The following MOB3B variants were observed in gnomAD, a reference collection of about 807,000 sequenced individuals.
The protein encoded by MOB3B is MOB kinase activator 3B.
MOB3B carries 7 observed loss-of-function variants against 18.7 expected under a neutral mutation model. The ratio of observed to expected loss-of-function variants is 0.37; its 90% CI spans 0.21 to 0.70. MOB3B has a LOEUF of 0.70. Among genes scored for constraint, MOB3B ranks in the 30% least tolerant of loss-of-function variants. The pLI, the probability that MOB3B is intolerant of heterozygous loss-of-function variation, is 0.52. For synonymous variants in MOB3B, 111 were observed against 99.9 expected, an observed-to-expected ratio of 1.11 and a Z score of -0.66; for missense variants, 253 against 281.3, an observed-to-expected ratio of 0.90 and a Z score of 0.72.
chr9:27,518,762 G>A (rs1342907846), intron 1 of MOB3B, among the ~76,000 whole-genome samples: 1 of 152,136 alleles, frequency 6.6e-6, no homozygotes, highest in Non-Finnish European at 1.5e-5. Flanking sequence ...CAGCAAAAGG[G>A]GGTGGTGGAG....
chr9:27,411,365 C>G (rs1357803421), intron 2 of MOB3B, among the ~76,000 whole-genome samples: 1 of 152,186 alleles, frequency 6.6e-6, no homozygotes, highest in African/African-American at 2.4e-5. Context: ...TCAATGCCAT[C>G]TAATTGTTTC....
At chr9:27,490,468 T>C (rs1250609177) in intron 1 of MOB3B, among the ~76,000 whole-genome samples, 1 of 152,246 alleles carries the variant, frequency 6.6e-6, no homozygotes, top group African/African-American at 2.4e-5. Context: ...CAAGAAGAGT[T>C]TCCCACAGGA....
At chr9:27,456,256 T>G (rs1241905000) in intron 1 of MOB3B, among the ~76,000 whole-genome samples, 1 of 152,210 alleles carries the variant, frequency 6.6e-6, no homozygotes, top group Non-Finnish European at 1.5e-5. Flanking sequence ...GCATTAGTGA[T>G]GTGGCATTGG....
intron 2 of MOB3B, among the ~76,000 whole-genome samples, chr9:27,360,960 T>C (rs922866619): frequency 5.3e-5 from 8 of 152,094 alleles, no homozygotes; most frequent in African/African-American, 1.4e-4. Context: ...GTTTATGGGC[T>C]GCTTTCTCAG....
chr9:27,362,986 T>C (rs1821294693), intron 2 of MOB3B, among the ~76,000 whole-genome samples: 1 of 152,220 alleles, frequency 6.6e-6, no homozygotes, highest in Non-Finnish European at 1.5e-5. Flanking sequence ...ACTCTGGAAC[T>C]TTCTCATTCT....
intron 2 of MOB3B, among the ~76,000 whole-genome samples, chr9:27,388,988 A>G (rs1473777240): frequency 6.6e-6 from 1 of 152,154 alleles, no homozygotes; most frequent in East Asian, 1.9e-4. Flanking sequence ...AGTCTTGACA[A>G]TTTCTAATGA....
chr9:27,404,328 TTTCTTTCC>T (rs1821933185), intron 2 of MOB3B, among the ~76,000 whole-genome samples: 1 of 150,860 alleles, frequency 6.6e-6, no homozygotes, highest in Non-Finnish European at 1.5e-5. Context: ...TCTTTCTTTC[TTTCTTTCC>T]TTCTTTCTTT....
intron 2 of MOB3B, among the ~76,000 whole-genome samples, chr9:27,416,544 A>ATTTTTTTTTTTTTTTTTTTTT (rs559806304): frequency 2.5e-5 from 3 of 121,416 alleles, no homozygotes; most frequent in Admixed American, 9.5e-5. Context: ...TTTCTTTTTA[A>ATTTTTTTTTTTTTTTTTTTTT]TTTTTTTTTT....
At chr9:27,393,795 G>C (rs1821762092) in intron 2 of MOB3B, among the ~76,000 whole-genome samples, 1 of 152,068 alleles carries the variant, frequency 6.6e-6, no homozygotes, top group African/African-American at 2.4e-5. Flanking sequence ...TCACCCAGCT[G>C]ATCAATGGCA....
At chr9:27,516,432 A>C (rs1820235216) in intron 1 of MOB3B, among the ~76,000 whole-genome samples, 1 of 152,202 alleles carries the variant, frequency 6.6e-6, no homozygotes, top group Non-Finnish European at 1.5e-5. Context: ...AAAGAGTTTG[A>C]CCATACTCTT....
intron 2 of MOB3B, among the ~76,000 whole-genome samples, chr9:27,395,552 G>T (rs910644972): frequency 2.0e-5 from 3 of 152,276 alleles, no homozygotes. Flanking sequence ...CACTGATTGT[G>T]CATGGCTGTT....
At chr9:27,464,992 A>G (rs1335527858) in intron 1 of MOB3B, among the ~76,000 whole-genome samples, 1 of 152,164 alleles carries the variant, frequency 6.6e-6, no homozygotes, top group Non-Finnish European at 1.5e-5. Flanking sequence ...AAACCATATC[A>G]TTCTGCCCCT....
intron 3 of MOB3B, among the ~76,000 whole-genome samples, chr9:27,333,586 AAGGCTT>A (rs1820820390): frequency 1.3e-5 from 2 of 152,200 alleles, no homozygotes; most frequent in South Asian, 4.1e-4. Flanking sequence ...CGTGTATTAA[AAGGCTT>A]CCGCTGAGGT....
intron 1 of MOB3B, among the ~76,000 whole-genome samples, chr9:27,516,295 C>A (rs1379421178): frequency 6.6e-6 from 1 of 152,190 alleles, no homozygotes; most frequent in East Asian, 1.9e-4. Context: ...AAAACTCCTA[C>A]AGCCCCAAGT....
At chr9:27,473,334 G>A (rs1819502411) in intron 1 of MOB3B, among the ~76,000 whole-genome samples, 1 of 152,150 alleles carries the variant, frequency 6.6e-6, no homozygotes, top group Non-Finnish European at 1.5e-5. Flanking sequence ...CAAAGGGGGA[G>A]GGTGGGGTCG....
At chr9:27,513,928 G>GA (rs34834023) in intron 1 of MOB3B, among the ~76,000 whole-genome samples, 1,532 of 15,044 alleles carry the variant, frequency 0.1, 27 homozygotes, top group African/African-American at 0.2. Context: ...TGGATGGATG[G>GA]TGGGTGGGTG....
At chr9:27,487,153 A>AAATAAATAAATAAATAAATAAAATAAAT (rs1241652908) in intron 1 of MOB3B, among the ~76,000 whole-genome samples, 1 of 22,846 alleles carries the variant, frequency 4.4e-5, no homozygotes, top group African/African-American at 6.6e-5. Context: ...ATAAATAAAT[A>AAATAAATAAATAAATAAATAAAATAAAT]AAATAAATAA....
chr9:27,340,775 C>A (rs1203768349), intron 3 of MOB3B, among the ~76,000 whole-genome samples: 2 of 152,222 alleles, frequency 1.3e-5, no homozygotes, highest in Non-Finnish European at 2.9e-5. Flanking sequence ...ACACTGAGAT[C>A]TCTGACATTT....
chr9:27,378,117 A>C (rs1023506891), intron 2 of MOB3B, among the ~76,000 whole-genome samples: 5 of 152,248 alleles, frequency 3.3e-5, no homozygotes, highest in African/African-American at 1.2e-4. Flanking sequence ...AGGAACTGAA[A>C]CTAAGAGAGG....
Sources: allele counts gnomAD v4.1 joint callset (sites outside exome capture counted in the v4.1 genomes callset), GRCh38; gene constraint gnomAD v4.1.1; transcripts MANE v1.5; gene names NCBI Gene and HGNC (gene_info 2026-07-23, HGNC 2026-07-21).